The following LMO2 variants were observed in gnomAD, a reference collection of about 807,000 sequenced individuals.
LMO2 encodes the protein LIM domain only 2, also known as rhombotin-2.
LMO2 carries 20 observed loss-of-function variants against 23.2 expected under a neutral mutation model. That is an observed-to-expected ratio of 0.86 (90% CI 0.61 to 1.25). The LOEUF (loss-of-function observed/expected upper bound fraction) is 1.25. LMO2 is among the 50% of genes most tolerant of loss of function. The pLI, the probability that LMO2 is intolerant of heterozygous loss-of-function variation, is 0.00. For missense variants in LMO2, 270 were observed against 315.3 expected, an observed-to-expected ratio of 0.86 and a Z score of 1.09; for synonymous variants, 123 against 130.2, an observed-to-expected ratio of 0.94 and a Z score of 0.38.
chr11:33,872,877 T>A (rs1332242719), intron 2 of LMO2, among the ~76,000 whole-genome samples: 2 of 152,158 alleles, frequency 1.3e-5, no homozygotes, highest in African/African-American at 4.8e-5. Flanking sequence ...TTTCCCTGCC[T>A]CAGCCTCCCG....
chr11:33,866,000 T>C (rs1856769370), intron 4 of LMO2, among the ~76,000 whole-genome samples: 1 of 152,240 alleles, frequency 6.6e-6, no homozygotes, highest in Non-Finnish European at 1.5e-5. Flanking sequence ...CTTCCATCTG[T>C]AAAATTCCCA....
chr11:33,861,972 C>T (rs1469334795), intron 5 of LMO2, among the ~76,000 whole-genome samples: 1 of 152,138 alleles, frequency 6.6e-6, no homozygotes, highest in Non-Finnish European at 1.5e-5. Flanking sequence ...TTCGGAGATT[C>T]TAATATTAGT....
At chr11:33,871,201 CTGTGTGTGTGTG>C (rs56309116) in intron 2 of LMO2, 63 of 160,154 alleles carry the variant, frequency 3.9e-4, no homozygotes, top group African/African-American at 6.8e-4. Flanking sequence ...TAATCAAAAG[CTGTGTGTGTGTG>C]TGTGTGTGTG....
chr11:33,885,388 T>A (rs1477838898), intron 1 of LMO2, among the ~76,000 whole-genome samples: 2 of 152,186 alleles, frequency 1.3e-5, no homozygotes, highest in Non-Finnish European at 2.9e-5. Flanking sequence ...TGAGCCAACA[T>A]AGGACAGGGC....
In LMO2 at chr11:33,869,793, G is replaced by A. The variant is rs1856952970; in HGVS notation, c.-77C>T. Reference sequence around the variant, plus strand: ...TCCGCGCCGCCCGCGGGGATGGTGTGCGCCCGCCCGGCCGCCCGGAGCCCC... The same window carrying A: ...TCCGCGCCGCCCGCGGGGATGGTGTACGCCCGCCCGGCCGCCCGGAGCCCC... On this transcript the variant is annotated 5_prime_UTR_variant, in exon 3 of 6. Transcript: ENST00000257818. The A allele has an allele frequency of 9.7e-6, 11 of 1,130,160 alleles. No homozygotes were observed. The South Asian group carries it at 3.0e-4, about 30-fold the overall frequency. The allele number at this position is 1,130,160 out of a possible 1,614,324, so 70.0% of individuals were successfully genotyped here. A position where few individuals can be genotyped will look rare whatever the true frequency, so the allele number is the denominator to read the frequency against.
intron 4 of LMO2, among the ~76,000 whole-genome samples, chr11:33,866,922 A>T (rs1169344240): frequency 1.3e-5 from 2 of 152,130 alleles, no homozygotes; most frequent in Non-Finnish European, 2.9e-5. Flanking sequence ...CTAATAACTA[A>T]TACCCTAGCT....
At chr11:33,881,475 G>C (rs1565035452) in intron 2 of LMO2, 1 of 443,678 alleles carries the variant, frequency 2.3e-6, no homozygotes, top group Admixed American at 2.4e-5. Flanking sequence ...ATTGTGACTT[G>C]GGTTGGGAGA....
intron 5 of LMO2, among the ~76,000 whole-genome samples, chr11:33,861,559 C>T (rs1266816590): frequency 2.0e-5 from 3 of 152,162 alleles, no homozygotes; most frequent in Non-Finnish European, 4.4e-5. Context: ...CCCAACGTAG[C>T]AGATGGTGGA....
chr11:33,867,407 CTCTG>C (rs1192707870), intron 4 of LMO2, among the ~76,000 whole-genome samples: 6 of 152,126 alleles, frequency 3.9e-5, no homozygotes, highest in Non-Finnish European at 7.3e-5. Flanking sequence ...AAGATATTGG[CTCTG>C]TCTTTCTATA....
intron 1 of LMO2, among the ~76,000 whole-genome samples, chr11:33,891,374 CACACACACACACACAT>C (rs1161944956): frequency 1.7e-4 from 23 of 132,924 alleles, no homozygotes; most frequent in East Asian, 1.2e-3. Flanking sequence ...CACACACACA[CACACACACACACACAT>C]GCACACACAC....
intron 1 of LMO2, among the ~76,000 whole-genome samples, chr11:33,886,270 G>T (rs1857404502): frequency 6.6e-6 from 1 of 152,202 alleles, no homozygotes; most frequent in South Asian, 2.1e-4. Flanking sequence ...GTGCTTGAGG[G>T]CACATTTAGA....
chr11:33,869,774 C>G lies in LMO2; in HGVS notation c.-58G>C. On this transcript the variant is annotated 5_prime_UTR_variant, in exon 3 of 6. Coordinates refer to ENST00000257818, the MANE Select transcript of LMO2 (RefSeq NM_005574.4). ...CTCGCGCGCTGTCGCCGGCTCCGCG[C>G]CGCCCGCGGGGATGGTGTGCGCCCG... is the stretch of plus-strand genomic sequence containing the variant. 1 of 1,174,012 alleles carries G rather than the reference C, an allele frequency of 8.5e-7. No homozygotes were observed. Among genetic ancestry groups the G allele is most frequent in the Non-Finnish European group, 1.1e-6 (1 of 949,644 alleles). The allele number at this position is 1,174,012 out of a possible 1,614,324, so 72.7% of individuals were successfully genotyped here.
chr11:33,868,581 G>C (rs1856871924), intron 4 of LMO2, among the ~76,000 whole-genome samples: 1 of 152,224 alleles, frequency 6.6e-6, no homozygotes. Flanking sequence ...TCAGAAAACA[G>C]ATGCGGCCAA....
At chr11:33,889,267 G>A (rs1857487137) in intron 1 of LMO2, among the ~76,000 whole-genome samples, 1 of 152,114 alleles carries the variant, frequency 6.6e-6, no homozygotes, top group Non-Finnish European at 1.5e-5. Context: ...CCCTACCCTT[G>A]AGGAGCTCAC....
At chr11:33,890,945 T>C (rs1025701475) in intron 1 of LMO2, among the ~76,000 whole-genome samples, 4 of 152,220 alleles carry the variant, frequency 2.6e-5, no homozygotes, top group African/African-American at 9.7e-5. Context: ...TCACAGAAGA[T>C]TCACCTTTTC....
At position 33,869,789 on chromosome 11, in the gene LMO2, G is replaced by T; in HGVS notation, c.-73C>A. Reference sequence around the variant, plus strand: ...CGGCTCCGCGCCGCCCGCGGGGATGGTGTGCGCCCGCCCGGCCGCCCGGAG... The same window carrying T: ...CGGCTCCGCGCCGCCCGCGGGGATGTTGTGCGCCCGCCCGGCCGCCCGGAG... On this transcript the variant is annotated 5_prime_UTR_variant, in exon 3 of 6. Coordinates refer to ENST00000257818, the MANE Select transcript of LMO2 (RefSeq NM_005574.4). The T allele has an allele frequency of 1.8e-6, 2 of 1,142,794 alleles. No individual in the cohort carries two copies. Among genetic ancestry groups the T allele is most frequent in the Non-Finnish European group, 2.1e-6 (2 of 932,566 alleles). 70.8% of individuals were successfully genotyped at this position (1,142,794 alleles called of 1,614,324 possible). A position where few individuals can be genotyped will look rare whatever the true frequency, so the allele number is the denominator to read the frequency against.
At chr11:33,875,252 A>T (rs1448041020) in intron 2 of LMO2, among the ~76,000 whole-genome samples, 1 of 152,216 alleles carries the variant, frequency 6.6e-6, no homozygotes, top group Non-Finnish European at 1.5e-5. Flanking sequence ...TTCTATGGAA[A>T]ATTTTGCTTA....
intron 2 of LMO2, among the ~76,000 whole-genome samples, chr11:33,872,843 C>A (rs1398763612): frequency 1.3e-5 from 2 of 152,172 alleles, no homozygotes; most frequent in Non-Finnish European, 2.9e-5. Context: ...TCACTGCAAC[C>A]TCTGCCTCCT....
chr11:33,868,144 T>C (rs963484828), intron 4 of LMO2, among the ~76,000 whole-genome samples: 6 of 152,202 alleles, frequency 3.9e-5, no homozygotes, highest in African/African-American at 1.4e-4. Context: ...TATATTCTCA[T>C]TGGATGGTGG....
Sources: allele counts gnomAD v4.1 joint callset (sites outside exome capture counted in the v4.1 genomes callset), GRCh38; gene constraint gnomAD v4.1.1; transcripts MANE v1.5; gene names NCBI Gene and HGNC (gene_info 2026-07-23, HGNC 2026-07-21).